The following MDH1 variants were observed in gnomAD, a reference collection of about 807,000 sequenced individuals.
The protein encoded by MDH1 is malate dehydrogenase, cytoplasmic.
Under a neutral mutation model 38.7 loss-of-function variants are expected in MDH1, and 15 were observed. The ratio of observed to expected loss-of-function variants is 0.39; its 90% CI spans 0.26 to 0.60. The LOEUF (loss-of-function observed/expected upper bound fraction) is 0.60, where lower values mean the gene tolerates loss of function less well. Among genes scored for constraint, MDH1 ranks in the 20% least tolerant of loss-of-function variants. MDH1 has a pLI of 0.56. For synonymous variants in MDH1, 144 were observed against 143.6 expected, an observed-to-expected ratio of 1.00 and a Z score of -0.02; for missense variants, 368 against 405.2, an observed-to-expected ratio of 0.91 and a Z score of 0.79.
intron 4 of MDH1, 100 bp downstream of exon 4, chr2:63,597,674 G>A: frequency 9.2e-7 from 1 of 1,086,196 alleles, no homozygotes; most frequent in Non-Finnish European, 1.2e-6. Flanking sequence ...CTTTTTTCTA[G>A]TTCTGTACAA....
chr2:63,589,930 C>T (rs1709137653), intron 1 of MDH1: 1 of 155,020 alleles, frequency 6.5e-6, no homozygotes, highest in South Asian at 2.0e-4. Flanking sequence ...GTTTTTCCTA[C>T]TTTATCTGCA....
rs1187336652 is a variant in MDH1, at chr2:63,594,468, A to G, written c.4-20A>G. ...GGTACAGTAGTACTTAAAGATGTTAATGGGTCTTTTTCATTACAGTCTGAA... is the reference window on the plus strand; with the variant it reads ...GGTACAGTAGTACTTAAAGATGTTAGTGGGTCTTTTTCATTACAGTCTGAA... On this transcript the variant is annotated intron_variant, in intron 1 of 8. Coordinates refer to ENST00000233114, the MANE Select transcript of MDH1 (RefSeq NM_005917.4). The G allele has an allele frequency of 1.9e-6, 3 of 1,558,062 alleles. No homozygotes were observed. The highest frequency in any genetic ancestry group is 1.7e-5 in the Admixed American group (1 of 59,950).
rs1709127261 is a variant in MDH1 at position 63,589,763 on chromosome 2, G to T, written c.3+717G>T. 1.3e-5 allele frequency among the ~76,000 whole-genome samples: 2 copies of T among 152,118 alleles called. 1 individual carries two copies. On this transcript the variant is annotated intron_variant, in intron 1 of 8. Transcript: ENST00000233114. ...GACCTGGGTAACCTGCATCTCCATC[G>T]CTTGTCTCTGCTGAAAGAGAGGGGG...
At chr2:63,593,870 A>C (rs1709250981) in intron 1 of MDH1, among the ~76,000 whole-genome samples, 1 of 152,070 alleles carries the variant, frequency 6.6e-6, no homozygotes, top group African/African-American at 2.4e-5. Context: ...TATTTTGTTC[A>C]GGAACTGTTG....
intron 5 of MDH1, among the ~76,000 whole-genome samples, chr2:63,603,207 C>T (rs911163115): frequency 7.2e-5 from 11 of 152,112 alleles, no homozygotes; most frequent in African/African-American, 2.4e-4. Context: ...CCTCCCACCT[C>T]GGCCTCCCAA....
chr2:63,605,808 G>A, intron 7 of MDH1, 131 bp from the exon 8 acceptor site: 1 of 765,338 alleles, frequency 1.3e-6, no homozygotes, highest in East Asian at 2.5e-5. Context: ...ACCTGGTGCT[G>A]ATGATAGTTC....
intron 1 of MDH1, 109 bp from the exon 2 acceptor site, chr2:63,594,379 T>C (rs1709261881): frequency 1.1e-6 from 1 of 892,334 alleles, no homozygotes; most frequent in South Asian, 1.3e-5. Context: ...GACTTTAAAA[T>C]TTTACATTCA....
intron 1 of MDH1, chr2:63,589,260 G>A: frequency 6.4e-7 from 1 of 1,551,870 alleles, no homozygotes; most frequent in South Asian, 1.2e-5. Context: ...GCTCTTAGGA[G>A]GACTCTGGAG....
intron 5 of MDH1, among the ~76,000 whole-genome samples, chr2:63,604,009 A>C (rs1039004521): frequency 3.4e-4 from 52 of 152,344 alleles, no homozygotes; most frequent in African/African-American, 1.2e-3. Context: ...ATGTGATTGC[A>C]AGGCATTGCA....
chr2:63,592,551 G>T (rs777311009), intron 1 of MDH1, among the ~76,000 whole-genome samples: 1 of 152,266 alleles, frequency 6.6e-6, no homozygotes, highest in South Asian at 2.1e-4. Flanking sequence ...TCACTATGTA[G>T]CCCAGGCTGG....
chr2:63,589,156 G>C, intron 1 of MDH1, 110 bp downstream of exon 1: 1 of 1,611,954 alleles, frequency 6.2e-7, no homozygotes, highest in South Asian at 1.1e-5. Flanking sequence ...ACTGTCCTTC[G>C]CGCCCTTTGG....
At chr2:63,591,461 A>G (rs895695249) in intron 1 of MDH1, among the ~76,000 whole-genome samples, 4 of 152,250 alleles carry the variant, frequency 2.6e-5, no homozygotes, top group Non-Finnish European at 5.9e-5. Flanking sequence ...TTAGGTGGCC[A>G]CAACCCCTTC....
At position 63,589,294 on chromosome 2, in the gene MDH1, C is replaced by T. The variant is rs1054637967; in HGVS notation, c.3+248C>T. ...AGAAGTAGTTGTCCTGGGAGAGGAG[C>T]GATCTTAATCCTGCTGCATGACGGG... On this transcript the variant is annotated intron_variant, in intron 1 of 8. Coordinates refer to ENST00000233114, the MANE Select transcript of MDH1 (RefSeq NM_005917.4). The T allele has an allele frequency of 4.5e-6, 7 of 1,550,658 alleles. No individual in the cohort carries two copies. The African/African-American group carries it at 9.6e-5, about 21-fold the overall frequency.
Position 63,604,874 on chromosome 2 carries a change from T to A in MDH1, c.675+2T>A. 6.2e-7 allele frequency: 1 copy of A among 1,613,786 alleles called. No individual in the cohort carries two copies. The highest frequency in any genetic ancestry group is 8.5e-7 in the Non-Finnish European group (1 of 1,179,802). On this transcript the variant is annotated splice_donor_variant, in intron 6 of 8. Transcript: ENST00000233114. LOFTEE classifies it high-confidence loss of function. The stretch of plus-strand genomic sequence containing the variant: ...TGGCTCAAGGGAGAATTTGTCACGG[T>A]AAGAAAAATCTGTGAGCCTTCTTAA...
Position 63,588,969 on chromosome 2 carries a change from GT to G in MDH1, c.-73del. The G allele has an allele frequency of 1.2e-6, 2 of 1,609,882 alleles. No individual in the cohort carries two copies. Among genetic ancestry groups the G allele is most frequent in the South Asian group, 2.2e-5 (2 of 90,976 alleles). ...AACACCGCTCGCCCTCTCCGAGTCA[GT>G]TCCGCGGTAGAGGTGACCTGACTCT... On this transcript the variant is annotated 5_prime_UTR_variant, in exon 1 of 9. Transcript: ENST00000233114.
At chr2:63,604,629 A>C in intron 5 of MDH1, 67 bp from the exon 6 acceptor site, 1 of 1,304,482 alleles carries the variant, frequency 7.7e-7, no homozygotes, top group Non-Finnish European at 1.1e-6. Context: ...GGCATTTGTC[A>C]AAACAGGTCC....
intron 5 of MDH1, among the ~76,000 whole-genome samples, chr2:63,604,346 T>G (rs551917619): frequency 6.6e-6 from 1 of 152,336 alleles, no homozygotes; most frequent in South Asian, 2.1e-4. Flanking sequence ...AAACAAAAGA[T>G]CACATTTACA....
At chr2:63,599,957 G>A (rs1251127042) in intron 5 of MDH1, 1 of 152,184 alleles carries the variant, frequency 6.6e-6, no homozygotes, top group Non-Finnish European at 1.5e-5. Flanking sequence ...GGCTTTTTCA[G>A]ATCTAACTGG....
chr2:63,595,727 T>C (rs1430166864), intron 3 of MDH1, among the ~76,000 whole-genome samples: 1 of 152,186 alleles, frequency 6.6e-6, no homozygotes, highest in East Asian at 1.9e-4. Flanking sequence ...TAAAGGACTA[T>C]CCTTTTTTCC....
Sources: allele counts gnomAD v4.1 joint callset (sites outside exome capture counted in the v4.1 genomes callset), GRCh38; gene constraint gnomAD v4.1.1; transcripts MANE v1.5; gene names NCBI Gene and HGNC (gene_info 2026-07-23, HGNC 2026-07-21).